The following MSTO1 variants were observed in gnomAD, a reference collection of about 807,000 sequenced individuals.
The protein encoded by MSTO1 is protein misato homolog 1.
In MSTO1, 24 loss-of-function variants were observed where a neutral mutation model predicts 55.7. The observed-to-expected ratio is 0.43, with a 90% CI of 0.31 to 0.61. The LOEUF (loss-of-function observed/expected upper bound fraction) is 0.61. Among genes scored for constraint, MSTO1 ranks in the 20% least tolerant of loss-of-function variants. The pLI, the probability that MSTO1 is intolerant of heterozygous loss-of-function variation, is 0.09. For synonymous variants in MSTO1, 162 were observed against 252.8 expected (o/e 0.64, Z 3.41); for missense variants, 363 against 625.7 (o/e 0.58, Z 4.48).
chr1:155,592,135 G>A, the MSTO1 span, among the ~76,000 whole-genome samples: 1 of 152,180 alleles, frequency 6.6e-6, no homozygotes, highest in Admixed American at 6.6e-5. Flanking sequence ...AACAAGCCTT[G>A]TATTCTCAGT....
the MSTO1 span, among the ~76,000 whole-genome samples, chr1:155,595,176 G>GTTTTTTT: frequency 9.8e-5 from 10 of 102,512 alleles, no homozygotes; most frequent in South Asian, 3.8e-4. Context: ...CAGGTTTGTT[G>GTTTTTTT]TTTTTTTTTT....
the MSTO1 span, among the ~76,000 whole-genome samples, chr1:155,587,130 A>G: frequency 6.6e-6 from 1 of 152,182 alleles, no homozygotes. Context: ...AACTTTGTCT[A>G]TAACAAGTTT....
At chr1:155,589,324 A>G in the MSTO1 span, among the ~76,000 whole-genome samples, 3 of 151,960 alleles carry the variant, frequency 2.0e-5, no homozygotes, top group African/African-American at 7.2e-5. Context: ...ACTCTTTCTT[A>G]ATAACAGATG....
chr1:155,575,705 A>G, the MSTO1 span, among the ~76,000 whole-genome samples: 1 of 151,818 alleles, frequency 6.6e-6, no homozygotes, highest in Non-Finnish European at 1.5e-5. Flanking sequence ...CAGCCTCACA[A>G]AGTGCTGGGA....
At chr1:155,608,373 C>T (rs148530002), upstream of MSTO1, among the ~76,000 whole-genome samples, 105 of 152,252 alleles carry the variant, frequency 6.9e-4, no homozygotes, top group East Asian at 8.7e-3. Flanking sequence ...AGTCTCACTA[C>T]ATTGTCCAGT....
At chr1:155,607,306 C>G (rs1248375756), upstream of MSTO1, among the ~76,000 whole-genome samples, 1 of 151,592 alleles carries the variant, frequency 6.6e-6, no homozygotes, top group East Asian at 2.0e-4. Context: ...TCTCAAGTAG[C>G]TGGGATTACA....
the MSTO1 span, chr1:155,591,177 A>T: frequency 2.7e-5 from 43 of 1,612,964 alleles, no homozygotes; most frequent in Non-Finnish European, 3.6e-5. Flanking sequence ...CACTTTCCAC[A>T]TGGGCAGGAC....
chr1:155,579,321 G>GCAAA, the MSTO1 span, among the ~76,000 whole-genome samples: 596 of 151,070 alleles, frequency 3.9e-3, no homozygotes, highest in East Asian at 8.7e-3. Context: ...CTCAAAACAA[G>GCAAA]CAAACAAACA....
In MSTO1 at chr1:155,613,113, T is replaced by C; in HGVS notation, c.1163T>C (p.Leu388Pro). Reference protein sequence around the residue: ...LAPGQSLPDSLMQFGGATPWT... With the variant: ...LAPGQSLPDSPMQFGGATPWT... Reference sequence around the variant, plus strand: ...CCAGGCCAGTCCCTTCCTGATTCCCTGATGCAGTTTGGAGGAGCCACCCCA... The same window carrying C: ...CCAGGCCAGTCCCTTCCTGATTCCCCGATGCAGTTTGGAGGAGCCACCCCA... The change falls in exon 11 of 14, where the codon CTG (leucine) becomes CCG (proline). Residue 388 changes from leucine to proline, a missense_variant. This residue lies in a region of MSTO1 where 231 missense variants were observed against 286.9 expected (regional missense o/e 0.81). Coordinates refer to ENST00000245564, the MANE Select transcript of MSTO1 (RefSeq NM_018116.4). 1 of 1,613,838 alleles carries C rather than the reference T, an allele frequency of 6.2e-7. No homozygotes were observed. Among genetic ancestry groups the C allele is most frequent in the Non-Finnish European group, 8.5e-7 (1 of 1,179,910 alleles).
At chr1:155,573,197 A>G in the MSTO1 span, among the ~76,000 whole-genome samples, 1 of 152,132 alleles carries the variant, frequency 6.6e-6, no homozygotes, top group Non-Finnish European at 1.5e-5. Context: ...CTTTAAAAAT[A>G]TTGATGCCTG....
chr1:155,598,867 A>G, the MSTO1 span: 8 of 1,453,970 alleles, frequency 5.5e-6, no homozygotes, highest in Middle Eastern at 7.0e-4. Flanking sequence ...TTGCCATGTT[A>G]TTCATTTCTG....
the MSTO1 span, among the ~76,000 whole-genome samples, chr1:155,573,840 CA>C: frequency 3.4e-3 from 299 of 88,848 alleles, no homozygotes; most frequent in Middle Eastern, 6.6e-3. Context: ...CTCCATCTCA[CA>C]AAAAAAAAAA....
the MSTO1 span, among the ~76,000 whole-genome samples, chr1:155,603,570 G>A: frequency 6.6e-6 from 1 of 151,706 alleles, no homozygotes; most frequent in African/African-American, 2.4e-5. Flanking sequence ...TAAAGATGAA[G>A]TCCCAGACCT....
upstream of MSTO1, among the ~76,000 whole-genome samples, chr1:155,607,054 G>A (rs527777774): frequency 2.7e-5 from 4 of 148,564 alleles, no homozygotes; most frequent in South Asian, 8.6e-4. Flanking sequence ...GGCTGGTCTC[G>A]AACTTCTGAC....
chr1:155,574,713 C>G, the MSTO1 span, among the ~76,000 whole-genome samples: 1 of 152,010 alleles, frequency 6.6e-6, no homozygotes, highest in African/African-American at 2.4e-5. Context: ...ACTACAGGCA[C>G]AGGCAACTAT....
upstream of MSTO1, among the ~76,000 whole-genome samples, chr1:155,607,497 G>A (rs567395159): frequency 6.6e-6 from 1 of 152,322 alleles, no homozygotes; most frequent in East Asian, 1.9e-4. Flanking sequence ...TTTGAGGAAT[G>A]CAAGATAGTA....
the MSTO1 span, chr1:155,563,266 G>C: frequency 2.2e-6 from 1 of 456,508 alleles, no homozygotes; most frequent in South Asian, 1.5e-5. Flanking sequence ...GACCGCTGCT[G>C]TGGAGCTGGT....
At chr1:155,572,649 AT>A in the MSTO1 span, among the ~76,000 whole-genome samples, 4 of 151,036 alleles carry the variant, frequency 2.6e-5, no homozygotes, top group South Asian at 8.4e-4. Flanking sequence ...GAGATGGAGA[AT>A]TTTTTTTTCT....
the MSTO1 span, among the ~76,000 whole-genome samples, chr1:155,570,880 ATT>A: frequency 6.6e-6 from 1 of 152,046 alleles, no homozygotes; most frequent in Non-Finnish European, 1.5e-5. Context: ...GGACTACTGT[ATT>A]TCCTTCCTTC....
Sources: allele counts gnomAD v4.1 joint callset (sites outside exome capture counted in the v4.1 genomes callset), GRCh38; gene constraint gnomAD v4.1.1; regional missense constraint gnomAD v4.1.1; transcripts MANE v1.5; gene names NCBI Gene and HGNC (gene_info 2026-07-23, HGNC 2026-07-21).